Variants in ZFHX3 observed in about 807,000 individuals in gnomAD.
ZFHX3 encodes zinc finger homeobox protein 3.
A neutral mutation model predicts 279.1 loss-of-function variants in ZFHX3; 42 were observed. The ratio of observed to expected loss-of-function variants is 0.15; its 90% CI spans 0.12 to 0.19. The LOEUF (loss-of-function observed/expected upper bound fraction) is 0.19, where lower values mean the gene tolerates loss of function less well. Among genes scored for constraint, ZFHX3 ranks in the 10% least tolerant of loss-of-function variants. The pLI is 1.00. For missense variants in ZFHX3, 4,981 were observed against 4,754.0 expected (o/e 1.05, Z -1.40); for synonymous variants, 2,293 against 1,957.8 (o/e 1.17, Z -4.52).
intron 2 of ZFHX3, chr16:73,486,950 G>C (rs538843859): frequency 4.6e-6 from 2 of 436,658 alleles, no homozygotes; most frequent in Non-Finnish European, 9.1e-6. Context: ...TTGGGTTACT[G>C]GGTATTTATA....
At chr16:72,809,144 T>C (rs998373231) in intron 7 of ZFHX3, among the ~76,000 whole-genome samples, 4 of 152,214 alleles carry the variant, frequency 2.6e-5, no homozygotes, top group African/African-American at 9.7e-5. Context: ...CAATGAATAT[T>C]TGAAATATAA....
At chr16:73,027,425 C>T (rs1242063537) in intron 1 of ZFHX3, among the ~76,000 whole-genome samples, 2 of 152,218 alleles carry the variant, frequency 1.3e-5, no homozygotes, top group Admixed American at 6.5e-5. Flanking sequence ...ATACAGCTTG[C>T]GCATGCAGGC....
intron 2 of ZFHX3, among the ~76,000 whole-genome samples, chr16:73,497,495 C>T (rs1392305316): frequency 6.6e-6 from 1 of 152,052 alleles, no homozygotes; most frequent in African/African-American, 2.4e-5. Flanking sequence ...AAAGTGACAC[C>T]CAATCTCTAC....
intron 2 of ZFHX3, among the ~76,000 whole-genome samples, chr16:72,952,180 C>T (rs1443542511): frequency 6.6e-6 from 1 of 152,218 alleles, no homozygotes; most frequent in Non-Finnish European, 1.5e-5. Flanking sequence ...GCAGAGGCTG[C>T]AGTGAGCTGA....
chr16:73,473,371 AAC>A (rs2018709949), intron 2 of ZFHX3, among the ~76,000 whole-genome samples: 1 of 150,608 alleles, frequency 6.6e-6, no homozygotes, highest in African/African-American at 2.5e-5. Context: ...AAAAAAAAAA[AAC>A]AAAATAATAA....
At chr16:73,679,092 G>T (rs939712969) in intron 2 of ZFHX3, among the ~76,000 whole-genome samples, 5 of 150,978 alleles carry the variant, frequency 3.3e-5, no homozygotes, top group Non-Finnish European at 7.4e-5. Flanking sequence ...AAAACAAAAT[G>T]GTGAAAGTCA....
chr16:73,152,676 A>G (rs191401378), intron 5 of ZFHX3, among the ~76,000 whole-genome samples: 6 of 150,560 alleles, frequency 4.0e-5, no homozygotes, highest in Admixed American at 1.3e-4. Flanking sequence ...TCCTAAATAA[A>G]TCAGGATTAG....
intron 4 of ZFHX3, among the ~76,000 whole-genome samples, chr16:73,292,989 A>G (rs911949722): frequency 3.0e-4 from 46 of 152,350 alleles, no homozygotes; most frequent in African/African-American, 1.1e-3. Context: ...GGCATCTACC[A>G]TGGAGGCAAG....
intron 3 of ZFHX3, among the ~76,000 whole-genome samples, chr16:72,928,849 C>A (rs1285192682): frequency 6.6e-6 from 1 of 152,166 alleles, no homozygotes; most frequent in Non-Finnish European, 1.5e-5. Context: ...GTAGTCCCAG[C>A]TGCTCAGGAG....
rs892577424 is a variant in ZFHX3 at position 72,782,909 on chromosome 16, G to A, written c.*4255C>T. 2.6e-5 allele frequency: 4 copies of A among 152,146 alleles called. No homozygotes were observed. The highest frequency in any genetic ancestry group is 6.6e-5 in the Admixed American group (1 of 15,236). 9.4% of individuals were successfully genotyped at this position (152,146 alleles called of 1,614,324 possible). ...CTTTTGCTCATATTTTTTTTTTAATGTATCACAATGAGCAGGAAACATACT... is the reference window on the plus strand; with the variant it reads ...CTTTTGCTCATATTTTTTTTTTAATATATCACAATGAGCAGGAAACATACT... On this transcript the variant is annotated 3_prime_UTR_variant, in exon 10 of 10. Transcript: ENST00000268489.
intron 3 of ZFHX3, among the ~76,000 whole-genome samples, chr16:73,331,806 C>T (rs569567898): frequency 6.6e-6 from 1 of 152,170 alleles, no homozygotes; most frequent in Non-Finnish European, 1.5e-5. Context: ...TAAGAGATGA[C>T]ATTTCTCTTC....
At chr16:73,432,156 TAC>T (rs2017921880) in intron 3 of ZFHX3, among the ~76,000 whole-genome samples, 1 of 152,176 alleles carries the variant, frequency 6.6e-6, no homozygotes, top group Admixed American at 6.5e-5. Flanking sequence ...TCAAACTTTT[TAC>T]AGTCTCAGAG....
chr16:73,268,921 GGTGCAGAAGCTTGGTCTACAGCA>G (rs760536773), intron 4 of ZFHX3, among the ~76,000 whole-genome samples: 7 of 152,172 alleles, frequency 4.6e-5, no homozygotes, highest in Non-Finnish European at 1.0e-4. Flanking sequence ...ACTCCACAGA[GGTGCAGAAGCTTGGTCTACAGCA>G]GTGCCCACCA....
chr16:73,886,113 A>T (rs1224785642), intron 1 of ZFHX3, among the ~76,000 whole-genome samples: 18 of 152,240 alleles, frequency 1.2e-4, no homozygotes, highest in Admixed American at 3.9e-4. Context: ...AATGACTTTT[A>T]AAATAATTGG....
chr16:73,288,808 T>G (rs2014698175), intron 4 of ZFHX3, among the ~76,000 whole-genome samples: 1 of 151,952 alleles, frequency 6.6e-6, no homozygotes, highest in Non-Finnish European at 1.5e-5. Flanking sequence ...ACCGCCCGTT[T>G]TCACATGGAT....
chr16:73,229,033 G>A (rs2012691639), intron 5 of ZFHX3, among the ~76,000 whole-genome samples: 1 of 152,100 alleles, frequency 6.6e-6, no homozygotes, highest in African/African-American at 2.4e-5. Context: ...ATATGTTCAG[G>A]ATTCTTGACT....
intron 3 of ZFHX3, among the ~76,000 whole-genome samples, chr16:73,318,870 T>A (rs1411197231): frequency 2.0e-5 from 3 of 152,172 alleles, no homozygotes; most frequent in Admixed American, 1.3e-4. Flanking sequence ...CGCCCCTGCA[T>A]AAATCAATTA....
chr16:73,198,537 G>A (rs1036893353), intron 5 of ZFHX3, among the ~76,000 whole-genome samples: 3 of 151,810 alleles, frequency 2.0e-5, no homozygotes, highest in Non-Finnish European at 2.9e-5. Flanking sequence ...GTTGATTATC[G>A]AGAAACAAAG....
intron 1 of ZFHX3, among the ~76,000 whole-genome samples, chr16:73,714,018 T>G (rs945740918): frequency 6.6e-6 from 1 of 152,110 alleles, no homozygotes; most frequent in African/African-American, 2.4e-5. Flanking sequence ...TGATGTATGA[T>G]CCCTTCCTCA....
Sources: allele counts gnomAD v4.1 joint callset (sites outside exome capture counted in the v4.1 genomes callset), GRCh38; gene constraint gnomAD v4.1.1; transcripts MANE v1.5; gene names NCBI Gene and HGNC (gene_info 2026-07-23, HGNC 2026-07-21).